The following CASP5 variants were observed in gnomAD, a reference collection of about 807,000 sequenced individuals.
CASP5 encodes caspase-5.
A neutral mutation model predicts 45.2 loss-of-function variants in CASP5; 42 were observed. That is an observed-to-expected ratio of 0.93 (90% CI 0.73 to 1.20). The LOEUF is 1.20. Among genes scored for constraint, CASP5 ranks in the 50% most tolerant of loss-of-function variants. The pLI, the probability that CASP5 is intolerant of heterozygous loss-of-function variation, is 0.00. For missense variants in CASP5, 512 were observed against 532.2 expected, an observed-to-expected ratio of 0.96 and a Z score of 0.37; for synonymous variants, 209 against 186.2, an observed-to-expected ratio of 1.12 and a Z score of -1.00.
chr11:105,008,259 T>C (rs1862104276), intron 2 of CASP5, among the ~76,000 whole-genome samples: 1 of 152,118 alleles, frequency 6.6e-6, no homozygotes, highest in Non-Finnish European at 1.5e-5. Flanking sequence ...ATTAGTTTAA[T>C]GAAGCCAATG....
chr11:105,000,641 T>G, intron 5 of CASP5, 146 bp from the exon 6 acceptor site: 1 of 730,008 alleles, frequency 1.4e-6, no homozygotes, highest in African/African-American at 1.8e-5. Flanking sequence ...GACAGCAGTT[T>G]TATGTTTTTT....
chr11:105,000,464 G>T lies in CASP5; in HGVS notation c.749C>A (p.Ala250Asp). Residue 250 changes from alanine (A) to aspartate (D), a missense_variant, in exon 6 of 10, where the codon GCC becomes GAC. Ala to Asp is a moderately radical substitution (Grantham distance 126). Transcript: ENST00000260315. ...GTCAGAGGACTTGTGCTCTGGTCTG[G>T]CAGCAAATGCCCTCAGCACTGACTC... ...DMESVLRAFAARPEHKSSDST... is the reference protein window; with the variant it reads ...DMESVLRAFADRPEHKSSDST... The T allele has an allele frequency of 6.2e-7, 1 of 1,614,118 alleles. No individual in the cohort carries two copies. The highest frequency in any genetic ancestry group is 1.1e-5 in the South Asian group (1 of 91,080).
chr11:105,008,775 G>T, intron 2 of CASP5, 32 bp downstream of exon 2: 1 of 1,488,802 alleles, frequency 6.7e-7, no homozygotes, highest in Non-Finnish European at 9.3e-7. Flanking sequence ...CTAAAAAATT[G>T]GAAATATCCA....
intron 1 of CASP5, among the ~76,000 whole-genome samples, chr11:105,019,908 T>C (rs1314468857): frequency 1.4e-5 from 2 of 145,946 alleles, no homozygotes; most frequent in African/African-American, 2.5e-5. Flanking sequence ...AAATCCTCAA[T>C]AAAATACTGG....
At chr11:104,994,598 T>TG (rs1861373190) in intron 9 of CASP5, among the ~76,000 whole-genome samples, 2 of 152,236 alleles carry the variant, frequency 1.3e-5, no homozygotes, top group South Asian at 4.1e-4. Flanking sequence ...AATATTTTTT[T>TG]AAAGATTTAC....
At chr11:105,008,515 A>T (rs1174475090) in intron 2 of CASP5, among the ~76,000 whole-genome samples, 3 of 152,062 alleles carry the variant, frequency 2.0e-5, no homozygotes, top group Non-Finnish European at 1.5e-5. Context: ...CACACAGATT[A>T]TTAGTAACAG....
intron 1 of CASP5, among the ~76,000 whole-genome samples, chr11:105,021,003 C>T (rs529428228): frequency 3.3e-5 from 5 of 151,972 alleles, no homozygotes; most frequent in East Asian, 1.9e-4. Flanking sequence ...GAAATAATGC[C>T]GCATATCTAC....
In CASP5 at chr11:105,018,156, G is replaced by A. The variant is rs1344099204; in HGVS notation, c.7+4974C>T. ...TGCCCTAAAAGAGCTCCTGAAGGAA[G>A]CACTCAACATGGAAAGGAACAACCG... On this transcript the variant is annotated intron_variant, in intron 1 of 9. Coordinates refer to ENST00000260315, the MANE Select transcript of CASP5 (RefSeq NM_004347.5). 1.2e-4 allele frequency among the ~76,000 whole-genome samples: 18 copies of A among 151,832 alleles called. 1 individual carries two copies. The highest frequency in any genetic ancestry group is 3.4e-4 in the African/African-American group (14 of 41,350).
At chr11:105,009,761 AC>A (rs1862200730) in intron 1 of CASP5, among the ~76,000 whole-genome samples, 1 of 76,872 alleles carries the variant, frequency 1.3e-5, no homozygotes, top group Non-Finnish European at 2.7e-5. Context: ...ATATATATAC[AC>A]ACACACACGT....
chr11:105,001,760 T>C (rs1479328842), intron 5 of CASP5, among the ~76,000 whole-genome samples: 4 of 152,232 alleles, frequency 2.6e-5, no homozygotes, highest in South Asian at 2.1e-4. Flanking sequence ...CCTGATCTTA[T>C]TGGAACTCAG....
intron 3 of CASP5, among the ~76,000 whole-genome samples, chr11:105,006,817 G>T: frequency 6.6e-6 from 1 of 152,130 alleles, no homozygotes; most frequent in Admixed American, 6.6e-5. Flanking sequence ...CTAAGTTTGG[G>T]TTTAGGTATC....
intron 3 of CASP5, among the ~76,000 whole-genome samples, chr11:105,004,279 C>T (rs1861895364): frequency 6.6e-6 from 1 of 152,066 alleles, no homozygotes; most frequent in Admixed American, 6.6e-5. Context: ...TGCTGGACAG[C>T]CAACACTGTC....
chr11:104,998,101 T>C (rs1029310132), intron 7 of CASP5, among the ~76,000 whole-genome samples: 2 of 152,150 alleles, frequency 1.3e-5, no homozygotes, highest in African/African-American at 4.8e-5. Context: ...CCTTGCAGAA[T>C]GATGATAATA....
At chr11:105,009,007 A>G (rs749794647) in intron 1 of CASP5, 27 bp from the exon 2 acceptor site, 1 of 1,605,990 alleles carries the variant, frequency 6.2e-7, no homozygotes, top group South Asian at 1.1e-5. Flanking sequence ...GACTCCTTCA[A>G]CTCTGGGCAC....
intron 9 of CASP5, among the ~76,000 whole-genome samples, chr11:104,994,940 A>G (rs1389361367): frequency 6.6e-6 from 1 of 152,194 alleles, no homozygotes; most frequent in Admixed American, 6.5e-5. Flanking sequence ...CAGTAATGAG[A>G]CAGCCAAGTA....
At chr11:105,009,756 T>TATATATATAC (rs1555079432) in intron 1 of CASP5, among the ~76,000 whole-genome samples, 1 of 93,250 alleles carries the variant, frequency 1.1e-5, no homozygotes, top group African/African-American at 4.3e-5. Flanking sequence ...TATATATATA[T>TATATATATAC]ATACACACAC....
chr11:105,012,556 G>T (rs1862401410), intron 1 of CASP5, among the ~76,000 whole-genome samples: 1 of 151,714 alleles, frequency 6.6e-6, no homozygotes, highest in African/African-American at 2.4e-5. Context: ...AAATATATGA[G>T]AAACACAATT....
chr11:105,005,835 C>T (rs1861975839), intron 3 of CASP5, among the ~76,000 whole-genome samples: 1 of 152,138 alleles, frequency 6.6e-6, no homozygotes, highest in Non-Finnish European at 1.5e-5. Flanking sequence ...ATTTTTTCCT[C>T]ATGCCATTCC....
chr11:105,008,772 A>G (rs771060633), intron 2 of CASP5, 35 bp downstream of exon 2: 25 of 1,480,686 alleles, frequency 1.7e-5, no homozygotes, highest in Non-Finnish European at 2.3e-5. Context: ...ATTCTAAAAA[A>G]TTGGAAATAT....
Sources: gnomAD v4.1 joint callset for allele counts (sites outside exome capture counted in the v4.1 genomes callset) on GRCh38, gnomAD v4.1.1 for gene constraint, MANE v1.5 for transcripts, NCBI Gene and HGNC (gene_info 2026-07-23, HGNC 2026-07-21) for gene names.